Variants in DHX8 observed in about 807,000 individuals in gnomAD.
The protein encoded by DHX8 is ATP-dependent RNA helicase DHX8.
DHX8 carries 67 observed loss-of-function variants against 140.7 expected under a neutral mutation model. The observed-to-expected ratio is 0.48, with a 90% CI of 0.39 to 0.58. The LOEUF (loss-of-function observed/expected upper bound fraction) is 0.58. Among genes scored for constraint, DHX8 ranks in the 20% least tolerant of loss-of-function variants. DHX8 has a pLI of 0.00. For synonymous variants in DHX8, 533 were observed against 553.2 expected (o/e 0.96, Z 0.51); for missense variants, 887 against 1,550.7 (o/e 0.57, Z 7.19).
chr17:43,500,178 C>T (rs939295462), intron 11 of DHX8, 75 bp downstream of exon 11: 23 of 1,507,402 alleles, frequency 1.5e-5, no homozygotes, highest in African/African-American at 1.3e-4. Flanking sequence ...GGGTCACTCC[C>T]GGCACACACT....
At chr17:43,512,654 G>C (rs1312218121) in intron 16 of DHX8, among the ~76,000 whole-genome samples, 1 of 152,176 alleles carries the variant, frequency 6.6e-6, no homozygotes, top group African/African-American at 2.4e-5. Context: ...TTCTGTAGCA[G>C]GTAGAAGCCT....
downstream of DHX8, chr17:43,528,840 C>A: frequency 3.2e-6 from 3 of 929,494 alleles, no homozygotes; most frequent in Non-Finnish European, 5.0e-6. Context: ...TCTACCAGTA[C>A]AGGCAGATGC....
downstream of DHX8, among the ~76,000 whole-genome samples, chr17:43,530,876 C>T (rs1257082458): frequency 6.6e-6 from 1 of 151,958 alleles, no homozygotes; most frequent in Admixed American, 6.5e-5. Flanking sequence ...AAACATGACA[C>T]CTCCGGGAGG....
At position 43,517,254 on chromosome 17, in the gene DHX8, GA is replaced by G. The variant is rs1226411827; in HGVS notation, c.2734del (p.Met912CysfsTer2). ...RLYTERAYRD[E>X]MLTTNVPEIQ... ...GTACACAGAACGTGCCTACCGAGAT[GA>G]AATGCTGACCACCAACGTGCCGGAA... On this transcript the variant is annotated frameshift_variant, in exon 18 of 23. Coordinates refer to ENST00000262415, the MANE Select transcript of DHX8 (RefSeq NM_004941.3). LOFTEE classifies it high-confidence loss of function. 6.2e-7 allele frequency: 1 copy of G among 1,614,032 alleles called. No homozygotes were observed. The highest frequency in any genetic ancestry group is 1.3e-5 in the African/African-American group (1 of 74,914).
Position 43,517,524 on chromosome 17 carries a change from A to G in DHX8, c.2799+202A>G, listed in dbSNP as rs1970172612. On this transcript the variant is annotated intron_variant, in intron 18 of 22. Transcript: ENST00000262415. ...GTTGGCATGTCTGCTGTGAACACAC[A>G]TTTTTTCTTACCATAACAACCAGCA... 4 of 564,964 alleles carry G rather than the reference A, an allele frequency of 7.1e-6. No individual in the cohort carries two copies. The South Asian group carries it at 9.6e-5, about 14-fold the overall frequency. 35.0% of individuals were successfully genotyped at this position (564,964 alleles called of 1,614,324 possible). A position where few individuals can be genotyped will look rare whatever the true frequency, so the allele number is the denominator to read the frequency against.
chr17:43,512,618 G>C (rs1969906432), intron 16 of DHX8, among the ~76,000 whole-genome samples: 1 of 152,178 alleles, frequency 6.6e-6, no homozygotes, highest in Admixed American at 6.5e-5. Context: ...AATAATGAGA[G>C]TTCTTTCTAA....
chr17:43,543,525 C>T (rs946672557), intron 3 of DHX8, among the ~76,000 whole-genome samples: 3 of 152,252 alleles, frequency 2.0e-5, no homozygotes, highest in Admixed American at 1.3e-4. Context: ...TCTCAGCTGA[C>T]AGGCAAGGAA....
intron 11 of DHX8, among the ~76,000 whole-genome samples, chr17:43,503,081 G>C (rs2154586578): frequency 1.3e-5 from 2 of 152,122 alleles, no homozygotes; most frequent in East Asian, 3.9e-4. Context: ...TATAAGCTAG[G>C]TCTGGGCAAG....
intron 2 of DHX8, chr17:43,533,379 G>T: frequency 6.3e-7 from 1 of 1,593,088 alleles, no homozygotes; most frequent in Non-Finnish European, 8.6e-7. Flanking sequence ...GGGGTGAGGG[G>T]GCAGAGAAGC....
intron 13 of DHX8, 108 bp downstream of exon 13, chr17:43,507,305 G>A (rs1201370363): frequency 3.9e-6 from 5 of 1,269,450 alleles, no homozygotes; most frequent in Non-Finnish European, 5.4e-6. Flanking sequence ...GGTTTCTCCT[G>A]AGGGAGAGAG....
chr17:43,500,243 G>C lies in DHX8; in HGVS notation c.1546+140G>C, dbSNP rs1168566335. The C allele has an allele frequency of 8.9e-6, 8 of 902,024 alleles. No individual in the cohort carries two copies. In the East Asian group the frequency reaches 2.2e-4, roughly 25 times the overall value. 55.9% of individuals were successfully genotyped at this position (902,024 alleles called of 1,614,324 possible). A position where few individuals can be genotyped will look rare whatever the true frequency, so the allele number is the denominator to read the frequency against. ...CTCATGCCTGTAATCCCAGCACTTT[G>C]GGAGGCCAAGGCAGGTGGATCACCT... On this transcript the variant is annotated intron_variant, in intron 11 of 22. Coordinates refer to ENST00000262415, the MANE Select transcript of DHX8 (RefSeq NM_004941.3).
rs1970158185 is a variant in DHX8 at position 43,517,226 on chromosome 17, G to A, written c.2703G>A (p.Arg901=). 1 of 1,614,008 alleles carries A rather than the reference G, an allele frequency of 6.2e-7. No individual in the cohort carries two copies. The highest frequency in any genetic ancestry group is 1.7e-5 in the Admixed American group (1 of 59,988). Residue 901 remains arginine, a synonymous_variant, in exon 18 of 23, where the codon AGG becomes AGA. Transcript: ENST00000262415. ...AGRTGPGKCY[R]LYTERAYRDE... ...GAACAGGCCCAGGGAAGTGTTACAGGTTGTACACAGAACGTGCCTACCGAG... is the reference window on the plus strand; with the variant it reads ...GAACAGGCCCAGGGAAGTGTTACAGATTGTACACAGAACGTGCCTACCGAG...
At chr17:43,538,381 A>T (rs1971352687) in intron 3 of DHX8, among the ~76,000 whole-genome samples, 1 of 152,178 alleles carries the variant, frequency 6.6e-6, no homozygotes, top group African/African-American at 2.4e-5. Context: ...CCACTGCAGA[A>T]GGCAAAGGAC....
At chr17:43,536,540 C>T in intron 3 of DHX8, 2 of 1,468,796 alleles carry the variant, frequency 1.4e-6, no homozygotes, top group South Asian at 2.3e-5. Context: ...TGGGAGGCTC[C>T]ATTATTACAG....
intron 3 of DHX8, chr17:43,536,634 AC>A: frequency 1.6e-6 from 1 of 626,016 alleles, no homozygotes. Flanking sequence ...CTTGGGCCAC[AC>A]ATAAAATACA....
chr17:43,528,110 C>T (rs1005198630), downstream of DHX8: 8 of 238,524 alleles, frequency 3.4e-5, no homozygotes, highest in Non-Finnish European at 5.8e-5. Context: ...GCTTCTGTCT[C>T]CCCGCAGTGG....
chr17:43,533,006 C>T (rs2154587104), intron 2 of DHX8: 1 of 1,520,886 alleles, frequency 6.6e-7, no homozygotes, highest in Non-Finnish European at 8.8e-7. Context: ...GAGCCTGTTA[C>T]TCCTAGGCTT....
intron 11 of DHX8, among the ~76,000 whole-genome samples, chr17:43,501,255 A>G: frequency 6.6e-6 from 1 of 152,168 alleles, no homozygotes; most frequent in South Asian, 2.1e-4. Context: ...TGTCAAGTGG[A>G]GATGGGATGG....
intron 1 of DHX8, among the ~76,000 whole-genome samples, chr17:43,485,757 A>C (rs933083143): frequency 6.6e-6 from 1 of 152,226 alleles, no homozygotes; most frequent in Non-Finnish European, 1.5e-5. Flanking sequence ...TTTGATGTTA[A>C]CTTCATTTGT....
Sources: gnomAD v4.1 joint callset for allele counts (sites outside exome capture counted in the v4.1 genomes callset) on GRCh38, gnomAD v4.1.1 for gene constraint, MANE v1.5 for transcripts, NCBI Gene and HGNC (gene_info 2026-07-23, HGNC 2026-07-21) for gene names.